Variants in AP2A2 observed in about 807,000 individuals in gnomAD.
AP2A2 encodes AP-2 complex subunit alpha-2.
Under a neutral mutation model 104.2 loss-of-function variants are expected in AP2A2, and 32 were observed. That is an observed-to-expected ratio of 0.31 (90% CI 0.23 to 0.41). The LOEUF is 0.41. Ranked by LOEUF, AP2A2 falls within the 10% of genes least tolerant of loss-of-function variation. The pLI is 1.00. For missense variants in AP2A2, 912 were observed against 1,261.0 expected (o/e 0.72, Z 4.19); for synonymous variants, 539 against 533.3 (o/e 1.01, Z -0.15).
chr11:946,299 G>T (rs1853829888), intron 1 of AP2A2, among the ~76,000 whole-genome samples: 2 of 152,192 alleles, frequency 1.3e-5, no homozygotes, highest in South Asian at 4.1e-4. Context: ...GCAGCTACTG[G>T]AGGGGACACA....
chr11:1,009,522 C>G, intron 20 of AP2A2, 125 bp downstream of exon 20: 13 of 1,303,842 alleles, frequency 1.0e-5, no homozygotes, highest in Non-Finnish European at 1.4e-5. Flanking sequence ...GGGACGGCCC[C>G]GGGGGACACG....
chr11:963,759 A>G (rs1854520442), intron 2 of AP2A2, among the ~76,000 whole-genome samples: 1 of 152,214 alleles, frequency 6.6e-6, no homozygotes, highest in Non-Finnish European at 1.5e-5. Context: ...AGTAACTGGG[A>G]CCACAGGCGC....
At chr11:987,019 C>CT (rs1400444511) in intron 9 of AP2A2, 66 bp downstream of exon 9, 1 of 1,514,784 alleles carries the variant, frequency 6.6e-7, no homozygotes, top group African/African-American at 1.4e-5. Flanking sequence ...CCTGTGAAGG[C>CT]TGGGGGTACG....
At chr11:974,764 A>T (rs1425826885) in intron 4 of AP2A2, among the ~76,000 whole-genome samples, 1 of 150,486 alleles carries the variant, frequency 6.6e-6, no homozygotes, top group Non-Finnish European at 1.5e-5. Context: ...AGACGGGCAG[A>T]TCATGAGTTC....
chr11:996,375 T>G (rs1427268733), intron 14 of AP2A2: 1 of 152,256 alleles, frequency 6.6e-6, no homozygotes, highest in African/African-American at 2.4e-5. Flanking sequence ...GTGCTCTCGC[T>G]CCCCTCCAGC....
intron 1 of AP2A2, among the ~76,000 whole-genome samples, chr11:945,469 G>GATTAT (rs529815455): frequency 3.6e-4 from 55 of 152,250 alleles, no homozygotes; most frequent in South Asian, 3.5e-3. Flanking sequence ...GAGTAGCTGG[G>GATTAT]ATTATGAGTG....
At chr11:1,000,041 C>T (rs777729563) in intron 14 of AP2A2, among the ~76,000 whole-genome samples, 5 of 151,438 alleles carry the variant, frequency 3.3e-5, no homozygotes, top group Non-Finnish European at 7.4e-5. Context: ...CTCCTGACCT[C>T]GTGATCCGCC....
rs771492346 is a variant in AP2A2, at chr11:992,683, G to A, written c.1450G>A (p.Glu484Lys). 4.3e-6 allele frequency: 7 copies of A among 1,613,834 alleles called. No individual in the cohort carries two copies. Among genetic ancestry groups the A allele is most frequent in the East Asian group, 4.5e-5 (2 of 44,872 alleles). The change falls in exon 11 of 22, where the codon GAG becomes AAG. Residue 484 changes from glutamate to lysine, a missense_variant and splice_region_variant. Transcript: ENST00000448903. The surrounding 1 kb of genome is among the most constrained non-coding windows in gnomAD (Gnocchi z 6.4). ...VQGYAAKTVFEALQAPACHEN... is the reference protein window; with the variant it reads ...VQGYAAKTVFKALQAPACHEN... ...GGGCTACGCGGCCAAGACTGTGTTCGAGGTATGGCCCGCAGGATGGCAGGA... is the reference window on the plus strand; with the variant it reads ...GGGCTACGCGGCCAAGACTGTGTTCAAGGTATGGCCCGCAGGATGGCAGGA...
chr11:926,781 T>C (rs1853134711), intron 1 of AP2A2, among the ~76,000 whole-genome samples: 1 of 152,114 alleles, frequency 6.6e-6, no homozygotes. Flanking sequence ...TGCCTGCTGC[T>C]CCAATCACAG....
intron 2 of AP2A2, among the ~76,000 whole-genome samples, chr11:965,570 G>A (rs773399447): frequency 7.2e-5 from 11 of 152,164 alleles, no homozygotes; most frequent in Non-Finnish European, 1.2e-4. Context: ...CTCCCCTCTG[G>A]GCTCTTCCTA....
intron 1 of AP2A2, among the ~76,000 whole-genome samples, chr11:927,816 CA>C (rs35472837): frequency 0.014 from 983 of 68,774 alleles, no homozygotes; most frequent in Non-Finnish European, 0.019. Flanking sequence ...ACCTTTCTCA[CA>C]AAAAAAAAAA....
chr11:948,711 AT>A (rs1853935482), intron 1 of AP2A2, among the ~76,000 whole-genome samples: 1 of 152,088 alleles, frequency 6.6e-6, no homozygotes, highest in Non-Finnish European at 1.5e-5. Flanking sequence ...TACAAAAAAT[AT>A]AAAAATTACC....
At chr11:977,028 G>C in intron 4 of AP2A2, 67 bp from the exon 5 acceptor site, 9 of 1,599,662 alleles carry the variant, frequency 5.6e-6, no homozygotes, top group South Asian at 1.1e-5. Context: ...GGCTCTGGGG[G>C]GGTGCTCCGT....
intron 16 of AP2A2, among the ~76,000 whole-genome samples, chr11:1,005,448 T>C (rs1856172932): frequency 6.6e-6 from 1 of 152,220 alleles, no homozygotes; most frequent in African/African-American, 2.4e-5. Context: ...GCACTTCCTG[T>C]GCCCTTGTGT....
rs551041093 is a variant in AP2A2, at chr11:995,823, A to G, written c.1956+1578A>G. Among the ~76,000 whole-genome samples, 260 of 42,272 alleles carry G rather than the reference A, an allele frequency of 6.2e-3. 1 individual carries two copies. The highest frequency in any genetic ancestry group is 0.024 in the African/African-American group (249 of 10,470). The allele number at this position is 42,272 out of a possible 152,430, so 27.7% of individuals were successfully genotyped here. A position where few individuals can be genotyped will look rare whatever the true frequency, so the allele number is the denominator to read the frequency against. ...GCCCTCTCTCTGTGTTGTTTGTGGCACGCTGCTGTGCCCGCCATCTGGAGG... is the reference window on the plus strand; with the variant it reads ...GCCCTCTCTCTGTGTTGTTTGTGGCGCGCTGCTGTGCCCGCCATCTGGAGG... On this transcript the variant is annotated intron_variant, in intron 14 of 21. Transcript: ENST00000448903.
At chr11:933,560 T>G (rs2134456458) in intron 1 of AP2A2, 1 of 456,202 alleles carries the variant, frequency 2.2e-6, no homozygotes, top group South Asian at 1.5e-5. Flanking sequence ...GGGACAGGGT[T>G]GTAAGGGTCT....
rs1439486480 is a variant in AP2A2, at chr11:986,889, C to T, written c.1067C>T (p.Ala356Val). ...YLALESMCTL[A>V]SSEFSHEAVK... ...GCCCTGGAGAGCATGTGCACGCTGGCCAGCTCTGAGTTCTCCCATGAGGCT... is the reference window on the plus strand; with the variant it reads ...GCCCTGGAGAGCATGTGCACGCTGGTCAGCTCTGAGTTCTCCCATGAGGCT... The change falls in exon 9 of 22, where the codon GCC (alanine) becomes GTC (valine). Residue 356 changes from alanine (A) to valine (V), a missense_variant. Physicochemically the swap from Ala to Val is moderately conservative, Grantham distance 64 (BLOSUM62 0). Transcript: ENST00000448903. 1 of 1,607,808 alleles carries T rather than the reference C, an allele frequency of 6.2e-7. No individual in the cohort carries two copies.
In AP2A2 at chr11:992,652, C is replaced by T. The variant is rs376568433; in HGVS notation, c.1419C>T (p.Asp473=). 3.2e-5 allele frequency: 52 copies of T among 1,613,816 alleles called. No individual in the cohort carries two copies. The highest frequency in any genetic ancestry group is 1.2e-4 in the African/African-American group (9 of 74,908). Residue 473 remains aspartate (D), a synonymous_variant, in exon 11 of 22, where the codon GAC becomes GAT. Transcript: ENST00000448903. This position sits in a 1 kb window ranked among gnomAD's most constrained non-coding sequence, Gnocchi z 6.4. ...RVIQIVINRD[D]VQGYAAKTVF... ...TTCAGATCGTCATCAACCGGGACGACGTGCAGGGCTACGCGGCCAAGACTG... is the reference window on the plus strand; with the variant it reads ...TTCAGATCGTCATCAACCGGGACGATGTGCAGGGCTACGCGGCCAAGACTG...
chr11:927,167 T>A (rs531303386), intron 1 of AP2A2, among the ~76,000 whole-genome samples: 18 of 152,226 alleles, frequency 1.2e-4, no homozygotes, highest in Non-Finnish European at 1.8e-4. Flanking sequence ...CAAGTGATCC[T>A]ACCACCTCAG....
Sources: gnomAD v4.1 joint callset for allele counts (sites outside exome capture counted in the v4.1 genomes callset) on GRCh38, gnomAD v4.1.1 for gene constraint, Gnocchi (gnomAD v3.1) non-coding constraint, MANE v1.5 for transcripts, NCBI Gene and HGNC (gene_info 2026-07-23, HGNC 2026-07-21) for gene names.